Variants in HOMER2 observed in about 807,000 individuals in gnomAD.
The protein encoded by HOMER2 is homer scaffold protein 2, also known as homer protein homolog 2.
Under a neutral mutation model 47.0 loss-of-function variants are expected in HOMER2, and 27 were observed. The observed-to-expected ratio is 0.57, with a 90% confidence interval of 0.42 to 0.79. The LOEUF (loss-of-function observed/expected upper bound fraction) is 0.79. HOMER2 is among the 30% of genes least tolerant of loss of function. The pLI, the probability that HOMER2 is intolerant of heterozygous loss-of-function variation, is 0.00. For synonymous variants in HOMER2, 161 were observed against 163.8 expected (o/e 0.98, Z 0.13); for missense variants, 443 against 435.0 (o/e 1.02, Z -0.16).
chr15:82,926,889 T>G (rs1490893055), intron 1 of HOMER2, among the ~76,000 whole-genome samples: 1 of 152,162 alleles, frequency 6.6e-6, no homozygotes, highest in East Asian at 1.9e-4. Context: ...TGCCTGCACC[T>G]TGATACTAAA....
At chr15:82,973,841 G>A (rs773406349) in intron 1 of HOMER2, among the ~76,000 whole-genome samples, 1 of 152,144 alleles carries the variant, frequency 6.6e-6, no homozygotes, top group East Asian at 1.9e-4. Context: ...TGAGGTGGGC[G>A]GATCACATGA....
intron 1 of HOMER2, among the ~76,000 whole-genome samples, chr15:82,909,759 T>C (rs1172170884): frequency 1.3e-5 from 2 of 152,242 alleles, no homozygotes; most frequent in Non-Finnish European, 2.9e-5. Flanking sequence ...TTTTCCACTC[T>C]TGGATTTTAA....
chr15:82,952,023 A>T (rs1005678636), intron 1 of HOMER2: 1 of 983,312 alleles, frequency 1.0e-6, no homozygotes, highest in African/African-American at 1.7e-5. Flanking sequence ...GGTTCCTTAT[A>T]GACTTCCATC....
At chr15:82,927,656 G>A (rs952990561) in intron 1 of HOMER2, among the ~76,000 whole-genome samples, 3 of 152,184 alleles carry the variant, frequency 2.0e-5, no homozygotes, top group African/African-American at 4.8e-5. Context: ...CGTGAATGGA[G>A]GAGCAAAGTT....
chr15:82,923,149 G>A (rs541162127), intron 1 of HOMER2, among the ~76,000 whole-genome samples: 1 of 152,220 alleles, frequency 6.6e-6, no homozygotes, highest in Admixed American at 6.5e-5. Context: ...CCTTGGGTAG[G>A]GATCAGGTTT....
chr15:82,903,467 A>T (rs1454056074), intron 1 of HOMER2, among the ~76,000 whole-genome samples: 1 of 151,754 alleles, frequency 6.6e-6, no homozygotes, highest in Non-Finnish European at 1.5e-5. Context: ...ACAAAAAAAA[A>T]TTAGCCAGGC....
At chr15:82,943,992 C>A (rs1180639645) in intron 1 of HOMER2, among the ~76,000 whole-genome samples, 2 of 152,170 alleles carry the variant, frequency 1.3e-5, no homozygotes, top group African/African-American at 4.8e-5. Flanking sequence ...TCTACCATCT[C>A]CAATTCCTCA....
chr15:82,846,417 A>ATAT (rs2051248379), downstream of HOMER2: 1 of 152,226 alleles, frequency 6.6e-6, no homozygotes, highest in Non-Finnish European at 1.5e-5. Flanking sequence ...ATTTTTGTAA[A>ATAT]CTGTCCTTTG....
At chr15:82,962,164 A>T (rs1282165722) in intron 1 of HOMER2, among the ~76,000 whole-genome samples, 1 of 151,360 alleles carries the variant, frequency 6.6e-6, no homozygotes, top group Non-Finnish European at 1.5e-5. Context: ...AGGTCAGGAG[A>T]TCGAGACCAT....
intron 1 of HOMER2, among the ~76,000 whole-genome samples, chr15:82,971,063 C>G (rs2029969447): frequency 6.6e-6 from 1 of 152,186 alleles, no homozygotes; most frequent in African/African-American, 2.4e-5. Flanking sequence ...AGAAAACAGT[C>G]CATTCAAAGG....
intron 4 of HOMER2, among the ~76,000 whole-genome samples, chr15:82,863,196 C>T (rs1487957671): frequency 6.6e-6 from 1 of 151,946 alleles, no homozygotes; most frequent in Non-Finnish European, 1.5e-5. Flanking sequence ...CAACCCCCTC[C>T]CCGGGCTTCC....
intron 6 of HOMER2, 108 bp downstream of exon 6, chr15:82,854,536 A>G (rs2151608089): frequency 8.4e-7 from 1 of 1,192,788 alleles, no homozygotes; most frequent in Non-Finnish European, 1.2e-6. Flanking sequence ...TCCTCTGGCC[A>G]TGGGGATAAG....
At position 82,867,800 on chromosome 15, in the gene HOMER2, G is replaced by C. The variant is rs533540691; in HGVS notation, c.295-3541C>G. On this transcript the variant is annotated intron_variant, in intron 3 of 8. Transcript: ENST00000450735. ...GGGAAACCATTCTGCCAAAATAATT[G>C]AGAATATGGGGGGAAAAAAGGCCCT... is the stretch of plus-strand genomic sequence containing the variant. Among the ~76,000 whole-genome samples, 8 of 152,152 alleles carry C rather than the reference G, an allele frequency of 5.3e-5. No individual in the cohort carries two copies. In the East Asian group the frequency reaches 1.5e-3, roughly 29 times the overall value.
chr15:82,881,939 A>C (rs937462673), intron 2 of HOMER2, among the ~76,000 whole-genome samples: 1 of 152,230 alleles, frequency 6.6e-6, no homozygotes, highest in African/African-American at 2.4e-5. Context: ...ACAGGCAGGC[A>C]GTTTCTCATA....
chr15:82,871,864 G>A (rs181357670), intron 3 of HOMER2, among the ~76,000 whole-genome samples: 58 of 152,286 alleles, frequency 3.8e-4, no homozygotes, highest in African/African-American at 1.2e-3. Flanking sequence ...TCTTGCTGTC[G>A]ATTCTTTTCA....
intron 3 of HOMER2, among the ~76,000 whole-genome samples, chr15:82,870,150 A>C (rs560999539): frequency 1.3e-5 from 2 of 152,322 alleles, no homozygotes; most frequent in East Asian, 3.9e-4. Flanking sequence ...CCTGAAGCAA[A>C]CACTACTGTT....
chr15:82,930,328 C>T (rs1224786169), intron 1 of HOMER2, among the ~76,000 whole-genome samples: 1 of 152,220 alleles, frequency 6.6e-6, no homozygotes, highest in Non-Finnish European at 1.5e-5. Context: ...GCAGAACTCA[C>T]TCTTCCACAG....
At chr15:82,934,875 CTCCT>C (rs1484628298) in intron 1 of HOMER2, among the ~76,000 whole-genome samples, 1 of 152,246 alleles carries the variant, frequency 6.6e-6, no homozygotes, top group Admixed American at 6.5e-5. Flanking sequence ...ACATCACCTT[CTCCT>C]CCAGCTTCCC....
chr15:82,844,518 T>C (rs1476840017), downstream of HOMER2: 1 of 152,180 alleles, frequency 6.6e-6, no homozygotes, highest in Non-Finnish European at 1.5e-5. Flanking sequence ...TGATTATATT[T>C]CATGGAAAAA....
Sources: gnomAD v4.1 joint callset for allele counts (sites outside exome capture counted in the v4.1 genomes callset) on GRCh38, gnomAD v4.1.1 for gene constraint, MANE v1.5 for transcripts, NCBI Gene and HGNC (gene_info 2026-07-23, HGNC 2026-07-21) for gene names.